KATNAL2: variants seen among roughly 807,000 people sequenced by gnomAD.
KATNAL2 encodes the protein katanin catalytic subunit A1 like 2.
In KATNAL2, 52 loss-of-function variants were observed where a neutral mutation model predicts 76.3. That is an observed-to-expected ratio of 0.68 (90% CI 0.55 to 0.86). The LOEUF is 0.86. KATNAL2 is among the 40% of genes least tolerant of loss of function. KATNAL2 has a pLI of 0.00. For missense variants in KATNAL2, 660 were observed against 668.9 expected (o/e 0.99, Z 0.15); for synonymous variants, 243 against 244.2 (o/e 1.00, Z 0.05).
chr18:47,068,633 C>T (rs2061890762), intron 11 of KATNAL2, among the ~76,000 whole-genome samples: 1 of 152,188 alleles, frequency 6.6e-6, no homozygotes, highest in South Asian at 2.1e-4. Flanking sequence ...CCCCCATTCT[C>T]TACCAACCCT....
At chr18:46,936,005 G>A (rs1057377051) in intron 1 of KATNAL2, among the ~76,000 whole-genome samples, 2 of 152,132 alleles carry the variant, frequency 1.3e-5, no homozygotes, top group African/African-American at 4.8e-5. Flanking sequence ...AGACTTCCTT[G>A]AGTGACTTAA....
At chr18:46,922,924 T>G (rs1007314880) in intron 1 of KATNAL2, among the ~76,000 whole-genome samples, 1 of 148,134 alleles carries the variant, frequency 6.8e-6, no homozygotes, top group Non-Finnish European at 1.5e-5. Flanking sequence ...ATATATAATA[T>G]TATATATGAT....
At chr18:47,098,760 CAGA>C (rs752297623) in intron 15 of KATNAL2, 4 of 158,384 alleles carry the variant, frequency 2.5e-5, no homozygotes, top group Non-Finnish European at 4.2e-5. Flanking sequence ...TCATTCACTC[CAGA>C]AGGACTGAGA....
Position 46,957,246 on chromosome 18 carries a change from C to CTT in KATNAL2, c.51+10324_51+10325dup, listed in dbSNP as rs1429850421. ...TAGATTGAGAAAAGCAGATTGCCCT[C>CTT]TTCTTTTTTTTTTTTTTTTTTTTTT... is the stretch of plus-strand genomic sequence containing the variant. On this transcript the variant is annotated intron_variant, in intron 3 of 17. Transcript: ENST00000683218. Among the ~76,000 whole-genome samples, 243 of 127,956 alleles carry CTT rather than the reference C, an allele frequency of 1.9e-3. 1 individual carries two copies. The highest frequency in any genetic ancestry group is 7.0e-3 in the African/African-American group (237 of 34,046). 83.9% of individuals were successfully genotyped at this position (127,956 alleles called of 152,430 possible).
chr18:46,938,960 T>G (rs1200673362), intron 1 of KATNAL2, among the ~76,000 whole-genome samples: 1 of 152,154 alleles, frequency 6.6e-6, no homozygotes, highest in Non-Finnish European at 1.5e-5. Context: ...TGCTAGCATA[T>G]AAGTTCAGTG....
chr18:47,080,621 G>A (rs1006253903), intron 15 of KATNAL2, among the ~76,000 whole-genome samples: 6 of 152,186 alleles, frequency 3.9e-5, no homozygotes, highest in Admixed American at 1.3e-4. Flanking sequence ...GTTTTACAAA[G>A]ATGTTGCACC....
chr18:47,064,310 G>A (rs913311456), intron 10 of KATNAL2, among the ~76,000 whole-genome samples: 1 of 152,160 alleles, frequency 6.6e-6, no homozygotes, highest in African/African-American at 2.4e-5. Context: ...GTGGAAGAGG[G>A]AGGCTAGGAG....
At chr18:46,924,088 C>A (rs1164824434) in intron 1 of KATNAL2, among the ~76,000 whole-genome samples, 1 of 152,154 alleles carries the variant, frequency 6.6e-6, no homozygotes, top group Non-Finnish European at 1.5e-5. Context: ...AATTAGATTC[C>A]ATTTGTCAAT....
At chr18:47,031,604 G>C (rs1569043801) in intron 3 of KATNAL2, among the ~76,000 whole-genome samples, 1 of 152,128 alleles carries the variant, frequency 6.6e-6, no homozygotes, top group Non-Finnish European at 1.5e-5. Flanking sequence ...ACTTCTCCAG[G>C]AGAATCGTAG....
At chr18:46,956,764 C>A (rs2059760534) in intron 3 of KATNAL2, among the ~76,000 whole-genome samples, 1 of 151,998 alleles carries the variant, frequency 6.6e-6, no homozygotes, top group South Asian at 2.1e-4. Context: ...ATGATGAGGC[C>A]AGGCATGGTG....
At chr18:46,958,243 A>G (rs1472162332) in intron 3 of KATNAL2, among the ~76,000 whole-genome samples, 2 of 151,962 alleles carry the variant, frequency 1.3e-5, no homozygotes. Context: ...GGGCCTTCAG[A>G]CTTGGACTGA....
chr18:47,075,495 A>T (rs888648873), intron 14 of KATNAL2, 127 bp downstream of exon 14: 5 of 549,704 alleles, frequency 9.1e-6, no homozygotes, highest in Non-Finnish European at 1.5e-5. Flanking sequence ...AAGCCCACAA[A>T]TTTTCTGCAG....
intron 1 of KATNAL2, among the ~76,000 whole-genome samples, chr18:46,932,829 A>G (rs1445724416): frequency 6.6e-6 from 1 of 151,652 alleles, no homozygotes; most frequent in Non-Finnish European, 1.5e-5. Flanking sequence ...CAATGGTGCG[A>G]TCTCAGCTCA....
At chr18:47,052,330 C>T (rs934053171) in intron 4 of KATNAL2, among the ~76,000 whole-genome samples, 1 of 152,202 alleles carries the variant, frequency 6.6e-6, no homozygotes, top group Non-Finnish European at 1.5e-5. Flanking sequence ...ACAAATAATA[C>T]ATTCCAAGTG....
chr18:47,043,998 T>C (rs575901784), intron 3 of KATNAL2, among the ~76,000 whole-genome samples: 6 of 152,214 alleles, frequency 3.9e-5, no homozygotes, highest in South Asian at 2.1e-4. Flanking sequence ...AGGAAGTGAA[T>C]AGTTAATGCC....
intron 3 of KATNAL2, chr18:47,033,266 G>T (rs528389219): frequency 6.2e-7 from 1 of 1,613,552 alleles, no homozygotes; most frequent in East Asian, 2.2e-5. Context: ...CCATTTTCGG[G>T]GTCAGCGTCT....
At chr18:46,950,419 A>G (rs1004136313) in intron 3 of KATNAL2, among the ~76,000 whole-genome samples, 9 of 152,144 alleles carry the variant, frequency 5.9e-5, no homozygotes, top group African/African-American at 2.2e-4. Context: ...CTGATTACCT[A>G]CATCATCTAC....
chr18:47,054,266 G>A, intron 5 of KATNAL2, 130 bp from the exon 6 acceptor site: 1 of 767,194 alleles, frequency 1.3e-6, no homozygotes, highest in Non-Finnish European at 2.2e-6. Flanking sequence ...ATAGCTTAAA[G>A]TCTCTAGATT....
rs570755445 is a variant in KATNAL2 at position 47,053,867 on chromosome 18, C to T, written c.290-529C>T. ...TAGATGTGGGCCTTGAAGAGACAGC[C>T]CAGACTCCTAAACACAGGGTGATCA... On this transcript the variant is annotated intron_variant, in intron 5 of 17. Transcript: ENST00000683218. Among the ~76,000 whole-genome samples the T allele has an allele frequency of 7.9e-5, 12 of 152,280 alleles. No homozygotes were observed. In the East Asian group the frequency reaches 2.3e-3, roughly 29 times the overall value.
Sources: gnomAD v4.1 joint callset for allele counts (sites outside exome capture counted in the v4.1 genomes callset) on GRCh38, gnomAD v4.1.1 for gene constraint, MANE v1.5 for transcripts, NCBI Gene and HGNC (gene_info 2026-07-23, HGNC 2026-07-21) for gene names.